The following RUNX2 variants were observed in gnomAD, a reference collection of about 807,000 sequenced individuals.
The protein encoded by RUNX2 is runt-related transcription factor 2.
In RUNX2, 10 loss-of-function variants were observed where a neutral mutation model predicts 51.7. That is an observed-to-expected ratio of 0.19 (90% confidence interval 0.12 to 0.33). The LOEUF (loss-of-function observed/expected upper bound fraction) is 0.33. RUNX2 is among the 10% of genes least tolerant of loss of function. The pLI, the probability that RUNX2 is intolerant of heterozygous loss-of-function variation, is 1.00. For synonymous variants in RUNX2, 276 were observed against 273.6 expected (o/e 1.01, Z -0.09); for missense variants, 562 against 691.3 (o/e 0.81, Z 2.10).
At chr6:45,397,846 T>C (rs1797615559) in intron 2 of RUNX2, among the ~76,000 whole-genome samples, 1 of 152,224 alleles carries the variant, frequency 6.6e-6, no homozygotes, top group African/African-American at 2.4e-5. Flanking sequence ...TTTAAACTTA[T>C]AACATTAAAT....
chr6:45,519,836 GTA>G lies in RUNX2; in HGVS notation c.1021+7435_1021+7436del, dbSNP rs70996334. Among the ~76,000 whole-genome samples, 511 of 134,584 alleles carry G rather than the reference GTA, an allele frequency of 3.8e-3. 3 individuals carry two copies. Among genetic ancestry groups the G allele is most frequent in the Admixed American group, 0.018 (227 of 12,902 alleles). The allele number at this position is 134,584 out of a possible 152,430, so 88.3% of individuals were successfully genotyped here. ...TGTGTGTGTGTGTGTGTGTGTGTGT[GTA>G]TATATTTGAGATGGAGTTCGCTCTT... On this transcript the variant is annotated intron_variant, in intron 7 of 8. Coordinates refer to ENST00000647337, the MANE Select transcript of RUNX2 (RefSeq NM_001024630.4).
intron 5 of RUNX2, among the ~76,000 whole-genome samples, chr6:45,440,000 C>T (rs1412760142): frequency 3.3e-5 from 5 of 152,162 alleles, no homozygotes; most frequent in African/African-American, 9.7e-5. Context: ...AGGTGGTATA[C>T]GTGGGACCTG....
At chr6:45,441,208 T>C (rs1348907122) in intron 5 of RUNX2, among the ~76,000 whole-genome samples, 2 of 152,192 alleles carry the variant, frequency 1.3e-5, no homozygotes, top group Non-Finnish European at 2.9e-5. Flanking sequence ...GAGGATTTTG[T>C]ACTATCGGTT....
At chr6:45,537,598 A>G (rs1444427846) in intron 7 of RUNX2, among the ~76,000 whole-genome samples, 1 of 151,990 alleles carries the variant, frequency 6.6e-6, no homozygotes, top group Non-Finnish European at 1.5e-5. Context: ...TTGGTTAGCC[A>G]CTCTTTCCTC....
intron 7 of RUNX2, among the ~76,000 whole-genome samples, chr6:45,531,611 G>C (rs959486551): frequency 6.6e-6 from 1 of 152,014 alleles, no homozygotes; most frequent in Non-Finnish European, 1.5e-5. Context: ...AAATTAGCCA[G>C]GCGTGGTGGT....
intron 2 of RUNX2, among the ~76,000 whole-genome samples, chr6:45,369,838 T>C (rs771980199): frequency 6.6e-6 from 1 of 152,006 alleles, no homozygotes; most frequent in African/African-American, 2.4e-5. Flanking sequence ...AAAAAACAAG[T>C]TGATTTCAAC....
chr6:45,335,184 CTTTT>C (rs1437482880), intron 2 of RUNX2, among the ~76,000 whole-genome samples: 2 of 151,132 alleles, frequency 1.3e-5, no homozygotes, highest in African/African-American at 4.8e-5. Context: ...AATTAACTTT[CTTTT>C]TAAATTTCTG....
At chr6:45,378,570 C>T (rs1797122419) in intron 2 of RUNX2, among the ~76,000 whole-genome samples, 1 of 152,128 alleles carries the variant, frequency 6.6e-6, no homozygotes, top group African/African-American at 2.4e-5. Flanking sequence ...TTTCATTAAT[C>T]TGCTATTAAT....
intron 5 of RUNX2, among the ~76,000 whole-genome samples, chr6:45,465,413 C>A (rs994631865): frequency 1.3e-4 from 20 of 151,888 alleles, no homozygotes; most frequent in Admixed American, 1.3e-3. Flanking sequence ...GGTCAAGAGT[C>A]CTATTCTCAA....
intron 5 of RUNX2, among the ~76,000 whole-genome samples, chr6:45,453,245 T>C (rs958604861): frequency 1.3e-5 from 2 of 152,146 alleles, no homozygotes; most frequent in South Asian, 2.1e-4. Context: ...GGATTGATAG[T>C]GGGAAGGAAA....
intron 2 of RUNX2, among the ~76,000 whole-genome samples, chr6:45,408,137 C>G (rs1797875519): frequency 2.6e-5 from 4 of 151,590 alleles, no homozygotes; most frequent in Admixed American, 2.6e-4. Flanking sequence ...AATGGAGGCT[C>G]TGTGTGGAGG....
intron 5 of RUNX2, among the ~76,000 whole-genome samples, chr6:45,474,201 CTT>C (rs1400490148): frequency 6.6e-6 from 1 of 150,510 alleles, no homozygotes; most frequent in Non-Finnish European, 1.5e-5. Context: ...GGCTATAAAA[CTT>C]TCTCTGAACT....
chr6:45,466,473 G>T (rs1799632692), intron 5 of RUNX2, among the ~76,000 whole-genome samples: 1 of 152,188 alleles, frequency 6.6e-6, no homozygotes, highest in Non-Finnish European at 1.5e-5. Flanking sequence ...GCAGAGTCAG[G>T]ACTGGAATCC....
At position 45,397,238 on chromosome 6, in the gene RUNX2, G is replaced by A. The variant is rs528206022; in HGVS notation, c.59-25355G>A. On this transcript the variant is annotated intron_variant, in intron 2 of 8. Coordinates refer to ENST00000647337, the MANE Select transcript of RUNX2 (RefSeq NM_001024630.4). The stretch of plus-strand genomic sequence containing the variant: ...CCTGCCTCAGCCTCCCAAGTAGCTG[G>A]GACTACAGGGGCCCACCACCACGTC... Among the ~76,000 whole-genome samples the A allele has an allele frequency of 3.2e-4, 49 of 151,988 alleles. No homozygotes were observed. In the South Asian group the frequency reaches 3.5e-3, roughly 11 times the overall value.
At chr6:45,536,728 T>A (rs1802048303) in intron 7 of RUNX2, among the ~76,000 whole-genome samples, 1 of 152,206 alleles carries the variant, frequency 6.6e-6, no homozygotes, top group South Asian at 2.1e-4. Flanking sequence ...GGTTTTAGAT[T>A]TAAAGGAGCA....
At chr6:45,345,518 G>A (rs182652274) in intron 2 of RUNX2, among the ~76,000 whole-genome samples, 22 of 152,162 alleles carry the variant, frequency 1.4e-4, no homozygotes, top group African/African-American at 3.9e-4. Context: ...TTAATGGCAC[G>A]ATCAGCTTGC....
chr6:45,378,780 T>G (rs190091592), intron 2 of RUNX2, among the ~76,000 whole-genome samples: 1 of 152,248 alleles, frequency 6.6e-6, no homozygotes, highest in East Asian at 1.9e-4. Flanking sequence ...GATATAGATG[T>G]AGTTCTTTAA....
intron 7 of RUNX2, among the ~76,000 whole-genome samples, chr6:45,528,408 G>T (rs940150844): frequency 2.6e-5 from 4 of 152,114 alleles, no homozygotes; most frequent in Non-Finnish European, 5.9e-5. Flanking sequence ...ATCATTTGAG[G>T]TCAGGAGTTC....
intron 5 of RUNX2, among the ~76,000 whole-genome samples, chr6:45,475,418 C>T (rs968181086): frequency 1.3e-5 from 2 of 152,182 alleles, no homozygotes; most frequent in African/African-American, 4.8e-5. Context: ...GAGACTAACA[C>T]TATATGTCTT....
Sources: gnomAD v4.1 joint callset for allele counts (sites outside exome capture counted in the v4.1 genomes callset) on GRCh38, gnomAD v4.1.1 for gene constraint, MANE v1.5 for transcripts, NCBI Gene and HGNC (gene_info 2026-07-23, HGNC 2026-07-21) for gene names.